CORO7: variants seen among roughly 807,000 people sequenced by gnomAD.
CORO7 encodes the protein coronin-7.
In CORO7, 107 loss-of-function variants were observed where a neutral mutation model predicts 126.6. The observed-to-expected ratio is 0.85, with a 90% confidence interval of 0.72 to 0.99. The LOEUF (loss-of-function observed/expected upper bound fraction) is 0.99, where lower values mean the gene tolerates loss of function less well. CORO7 is among the 50% of genes least tolerant of loss of function. The pLI, the probability that CORO7 is intolerant of heterozygous loss-of-function variation, is 0.00. For synonymous variants in CORO7, 603 were observed against 536.8 expected (o/e 1.12, Z -1.70); for missense variants, 1,314 against 1,255.8 (o/e 1.05, Z -0.70).
chr16:4,361,579 C>A, intron 16 of CORO7, 110 bp from the exon 17 acceptor site: 1 of 1,280,868 alleles, frequency 7.8e-7, no homozygotes, highest in Admixed American at 2.2e-5. Context: ...GCAGCAGAGG[C>A]TCCCACCGCT....
intron 9 of CORO7, among the ~76,000 whole-genome samples, chr16:4,368,645 G>T (rs936689363): frequency 6.6e-6 from 1 of 151,862 alleles, no homozygotes; most frequent in African/African-American, 2.4e-5. Context: ...CTACTCAGGA[G>T]GCTGAGGCAG....
intron 9 of CORO7, among the ~76,000 whole-genome samples, chr16:4,386,341 C>T (rs1211232858): frequency 2.0e-5 from 3 of 152,204 alleles, no homozygotes; most frequent in Non-Finnish European, 4.4e-5. Context: ...GGGCAGGAGA[C>T]GCTTTCAGGG....
intron 5 of CORO7, 113 bp downstream of exon 5, chr16:4,407,388 G>A (rs1162983477): frequency 2.0e-5 from 25 of 1,279,496 alleles, no homozygotes; most frequent in Non-Finnish European, 2.6e-5. Context: ...CTATGTAAGT[G>A]TAAAACTTTG....
intron 1 of CORO7, 24 bp downstream of exon 1, chr16:4,416,435 G>T: frequency 1.9e-6 from 3 of 1,555,092 alleles, no homozygotes; most frequent in African/African-American, 1.4e-5. Flanking sequence ...AGGCGACAGC[G>T]CCCGGTCCTC....
chr16:4,354,979 G>A lies in CORO7; in HGVS notation c.*179C>T, dbSNP rs2141165463. On this transcript the variant is annotated 3_prime_UTR_variant, in exon 28 of 28. Transcript: ENST00000251166. The stretch of plus-strand genomic sequence containing the variant: ...AGCTGACCCCAGAGACAGCAGAGGT[G>A]AAAACAGTCCCTGGGAACTGCCAGA... The A allele has an allele frequency of 1.6e-6, 1 of 608,888 alleles. No homozygotes were observed. Among genetic ancestry groups the A allele is most frequent in the Admixed American group, 3.3e-5 (1 of 29,876 alleles). The allele number at this position is 608,888 out of a possible 1,614,324, so 37.7% of individuals were successfully genotyped here.
At chr16:4,406,365 A>G (rs1449748185) in intron 5 of CORO7, among the ~76,000 whole-genome samples, 2 of 152,068 alleles carry the variant, frequency 1.3e-5, no homozygotes, top group African/African-American at 4.8e-5. Context: ...GTGTGATCAT[A>G]GCTAACTGCA....
At chr16:4,387,492 C>T (rs1046090599) in intron 9 of CORO7, among the ~76,000 whole-genome samples, 11 of 151,970 alleles carry the variant, frequency 7.2e-5, no homozygotes, top group Non-Finnish European at 1.6e-4. Context: ...GAGTAGGCCG[C>T]ATAAACCTCA....
rs764382914 is a variant in CORO7 at position 4,395,348 on chromosome 16, G to A, written c.565-9C>T. On this transcript the variant is annotated splice_polypyrimidine_tract_variant and intron_variant, in intron 6 of 27. Transcript: ENST00000251166. ...ATCCGCAGCTGCTTGTCCTGGAAAA[G>A]CAGAGAGGAGGAAACAACTTGCGAT... 6.2e-7 allele frequency: 1 copy of A among 1,613,998 alleles called. No individual in the cohort carries two copies. The highest frequency in any genetic ancestry group is 1.7e-4 in the Middle Eastern group (1 of 6,056).
rs775952526 is a variant in CORO7, at chr16:4,407,525, C to T, written c.463G>A (p.Ala155Thr). 1.8e-5 allele frequency: 28 copies of T among 1,572,626 alleles called. No homozygotes were observed. The highest frequency in any genetic ancestry group is 9.4e-5 in the East Asian group (4 of 42,364). ...AAGTTVKVWDAAKQQPLTELA... is the reference protein window; with the variant it reads ...AAGTTVKVWDTAKQQPLTELA... ...CCTGTCAGGGGCTGCTGCTTGGCTG[C>T]GTCCCAGACCTTCACAGTGGTGCCT... Residue 155 changes from alanine to threonine, a missense_variant, in exon 5 of 28, where the codon GCA (alanine) becomes ACA (threonine). Coordinates refer to ENST00000251166, the MANE Select transcript of CORO7 (RefSeq NM_024535.5).
At position 4,355,159 on chromosome 16, in the gene CORO7, T is replaced by G; in HGVS notation, c.2777A>C (p.Ter926SerextTer148). The G allele has an allele frequency of 6.6e-7, 1 of 1,525,412 alleles. No homozygotes were observed. 94.5% of individuals were successfully genotyped at this position (1,525,412 alleles called of 1,614,324 possible). The stretch of plus-strand genomic sequence containing the variant: ...AGGTGGAGGTGACGGGGGCGCAGGC[T>G]AGTCCTGGGGCGAAACACCAAGAGG... ...FEGVDEDEWD[*>S] Residue 926 changes from the stop codon to serine (S), a stop_lost, in exon 28 of 28, where the codon TAG becomes TCG. Coordinates refer to ENST00000251166, the MANE Select transcript of CORO7 (RefSeq NM_024535.5).
At chr16:4,393,216 C>A (rs2055460118) in intron 7 of CORO7, among the ~76,000 whole-genome samples, 1 of 152,300 alleles carries the variant, frequency 6.6e-6, no homozygotes, top group East Asian at 1.9e-4. Context: ...GAGAGTGCAA[C>A]CTGAGAAAGT....
At chr16:4,396,056 A>G (rs943008266) in intron 6 of CORO7, among the ~76,000 whole-genome samples, 4 of 151,822 alleles carry the variant, frequency 2.6e-5, no homozygotes, top group African/African-American at 9.7e-5. Flanking sequence ...ATCTGTATCC[A>G]CTACTACAGG....
At chr16:4,357,026 C>G (rs2053996885) in intron 26 of CORO7, 142 bp downstream of exon 26, 1 of 1,145,378 alleles carries the variant, frequency 8.7e-7, no homozygotes, top group African/African-American at 1.5e-5. Flanking sequence ...TCTGGAAGGT[C>G]TCCCCACCAG....
At chr16:4,378,895 C>T (rs1407970855) in intron 9 of CORO7, among the ~76,000 whole-genome samples, 3 of 152,004 alleles carry the variant, frequency 2.0e-5, no homozygotes, top group East Asian at 1.9e-4. Context: ...GGCTCAGGGT[C>T]GGTAGCTCCT....
In CORO7 at chr16:4,395,337, G is replaced by A; in HGVS notation, c.567C>T (p.Asp189=). The A allele has an allele frequency of 6.2e-7, 1 of 1,614,038 alleles. No individual in the cohort carries two copies. Among genetic ancestry groups the A allele is most frequent in the Non-Finnish European group, 8.5e-7 (1 of 1,179,998 alleles). The change falls in exon 7 of 28, where the codon GAC becomes GAT. Residue 189 remains aspartate (D), a splice_region_variant and synonymous_variant. Coordinates refer to ENST00000251166, the MANE Select transcript of CORO7 (RefSeq NM_024535.5). ...TGGGGTCAAAGATCCGCAGCTGCTTGTCCTGGAAAAGCAGAGAGGAGGAAA... is the reference window on the plus strand; with the variant it reads ...TGGGGTCAAAGATCCGCAGCTGCTTATCCTGGAAAAGCAGAGAGGAGGAAA... The part of the protein sequence containing the change: ...DGALVGTACK[D]KQLRIFDPRT...
chr16:4,363,836 T>A (rs2054261647), intron 14 of CORO7, among the ~76,000 whole-genome samples: 1 of 151,282 alleles, frequency 6.6e-6, no homozygotes, highest in South Asian at 2.1e-4. Flanking sequence ...CTGACCAACA[T>A]GGTGAAACCC....
At chr16:4,370,427 C>A (rs550852945) in intron 9 of CORO7, among the ~76,000 whole-genome samples, 1 of 152,222 alleles carries the variant, frequency 6.6e-6, no homozygotes, top group Non-Finnish European at 1.5e-5. Context: ...CTGTTCAATG[C>A]AAGCTGGGAA....
rs576963574 is a variant in CORO7 at position 4,381,629 on chromosome 16, G to T, written c.785+6357C>A. 4 of 1,598,550 alleles carry T rather than the reference G, an allele frequency of 2.5e-6. No homozygotes were observed. The East Asian group carries it at 9.0e-5, about 36-fold the overall frequency. ...CGCCTGCGGCTGGCCGGCAACACCC[G>T]CATTGCCCAGCTGCGGCCCGAGGAC... On this transcript the variant is annotated intron_variant, in intron 9 of 27. Transcript: ENST00000251166.
chr16:4,401,271 G>C (rs2055795175), intron 6 of CORO7, among the ~76,000 whole-genome samples: 1 of 152,232 alleles, frequency 6.6e-6, no homozygotes, highest in African/African-American at 2.4e-5. Context: ...TGTGGCGTTG[G>C]GGGAGGAGAG....
Sources: allele counts gnomAD v4.1 joint callset (sites outside exome capture counted in the v4.1 genomes callset), GRCh38; gene constraint gnomAD v4.1.1; transcripts MANE v1.5; gene names NCBI Gene and HGNC (gene_info 2026-07-23, HGNC 2026-07-21).